Variants in WDR62 observed in about 807,000 individuals in gnomAD.
The protein encoded by WDR62 is WD repeat-containing protein 62.
A neutral mutation model predicts 160.6 loss-of-function variants in WDR62; 112 were observed. The observed-to-expected ratio is 0.70, with a 90% CI of 0.60 to 0.82. WDR62 has a LOEUF of 0.82. Among genes scored for constraint, WDR62 ranks in the 40% least tolerant of loss-of-function variants. WDR62 has a pLI of 0.00. For synonymous variants in WDR62, 792 were observed against 815.1 expected (o/e 0.97, Z 0.48); for missense variants, 1,819 against 1,983.8 (o/e 0.92, Z 1.58).
chr19:36,076,781 A>G (rs1452873637), intron 9 of WDR62, among the ~76,000 whole-genome samples: 2 of 152,142 alleles, frequency 1.3e-5, no homozygotes, highest in Admixed American at 1.3e-4. Context: ...AGAATGGACA[A>G]CTTTTCAATT....
chr19:36,058,721 G>A (rs1970489874), intron 1 of WDR62, 59 bp from the exon 2 acceptor site: 2 of 1,431,802 alleles, frequency 1.4e-6, no homozygotes, highest in Non-Finnish European at 2.0e-6. Context: ...GGCCAAGGCG[G>A]CTGCACCATG....
chr19:36,072,102 A>G (rs1971331920), intron 8 of WDR62, among the ~76,000 whole-genome samples: 2 of 152,252 alleles, frequency 1.3e-5, no homozygotes, highest in African/African-American at 4.8e-5. Context: ...TGAAGCAGCA[A>G]AATCTCTGCC....
chr19:36,058,725 C>T, intron 1 of WDR62, 55 bp from the exon 2 acceptor site: 1 of 1,481,184 alleles, frequency 6.8e-7, no homozygotes, highest in Admixed American at 1.7e-5. Context: ...AAGGCGGCTG[C>T]ACCATGTGGT....
Position 36,066,332 on chromosome 19 carries a change from T to C in WDR62, c.466T>C (p.Tyr156His). The change falls in exon 5 of 32, where the codon TAT becomes CAT. Residue 156 changes from tyrosine (Y) to histidine (H), a missense_variant. Tyr to His is a moderately conservative substitution (Grantham distance 83, BLOSUM62 2). Around this residue, in one of 3 missense-constraint regions of WDR62, gnomAD observed 934 missense variants for 1,157.2 expected, o/e 0.81. Transcript: ENST00000401500. ...GGTGGCGGAGATGCTAGGCCACAAGTATGGTGTGGCGTGTGTGGCCTTCTC... is the reference window on the plus strand; with the variant it reads ...GGTGGCGGAGATGCTAGGCCACAAGCATGGTGTGGCGTGTGTGGCCTTCTC... Reference protein sequence around the residue: ...NQVAEMLGHKYGVACVAFSPN... With the variant: ...NQVAEMLGHKHGVACVAFSPN... The C allele has an allele frequency of 6.2e-7, 1 of 1,614,124 alleles. No individual in the cohort carries two copies. The highest frequency in any genetic ancestry group is 1.1e-5 in the South Asian group (1 of 91,084).
At chr19:36,100,037 C>T (rs1285140040) in intron 22 of WDR62, among the ~76,000 whole-genome samples, 2 of 152,128 alleles carry the variant, frequency 1.3e-5, no homozygotes, top group African/African-American at 4.8e-5. Context: ...GATTACTTAA[C>T]GATCACTTGA....
intron 30 of WDR62, among the ~76,000 whole-genome samples, chr19:36,104,309 G>A (rs145526166): frequency 1.3e-5 from 2 of 151,788 alleles, no homozygotes; most frequent in Non-Finnish European, 2.9e-5. Flanking sequence ...GTGGGGACAG[G>A]GGTTGGGATT....
At position 36,102,983 on chromosome 19, in the gene WDR62, G is replaced by C. The variant is rs965986022; in HGVS notation, c.3371G>C (p.Cys1124Ser). Residue 1124 changes from cysteine (C) to serine (S), a missense_variant, in exon 28 of 32, where the codon TGC becomes TCC. By Grantham distance (112) the Cys-to-Ser change is moderately radical (BLOSUM62 -1). This residue lies in a region of WDR62 where 770 missense variants were observed against 734.2 expected (regional missense o/e 1.05). Coordinates refer to ENST00000401500, the MANE Select transcript of WDR62 (RefSeq NM_001083961.2). ...THTFPPRATQ[C>S]LVKSPEVKLM... Reference sequence around the variant, plus strand: ...ACCTTCCCTCCCCGGGCAACCCAGTGCCTTGTGAAGTCTCCAGAGGTCAAG... The same window carrying C: ...ACCTTCCCTCCCCGGGCAACCCAGTCCCTTGTGAAGTCTCCAGAGGTCAAG... The C allele has an allele frequency of 6.2e-7, 1 of 1,614,002 alleles. No homozygotes were observed. Among genetic ancestry groups the C allele is most frequent in the African/African-American group, 1.3e-5 (1 of 74,936 alleles).
At chr19:36,109,963 G>A (rs1257331522), downstream of WDR62, among the ~76,000 whole-genome samples, 2 of 151,510 alleles carry the variant, frequency 1.3e-5, no homozygotes, top group African/African-American at 4.9e-5. Flanking sequence ...GCTGAGGCAG[G>A]AGACTCACTT....
intron 9 of WDR62, chr19:36,075,827 T>A (rs1359721912): frequency 6.6e-6 from 1 of 152,178 alleles, no homozygotes; most frequent in Non-Finnish European, 1.5e-5. Context: ...AATCTATAAT[T>A]TATTTTTATT....
At position 36,102,099 on chromosome 19, in the gene WDR62, G is replaced by A. The variant is rs2145866074; in HGVS notation, c.3168G>A (p.Gln1056=). The A allele has an allele frequency of 1.2e-6, 2 of 1,614,118 alleles. No individual in the cohort carries two copies. Among genetic ancestry groups the A allele is most frequent in the Non-Finnish European group, 1.7e-6 (2 of 1,179,998 alleles). Residue 1056 remains glutamine (Q), a synonymous_variant, in exon 26 of 32, where the codon CAG becomes CAA. Transcript: ENST00000401500. ...GCTCCCTACCCCAGACTCCGGAGCA[G>A]GAGAAGTTCCTCCGCCACCACTTTG... ...PSSSLPQTPE[Q]EKFLRHHFET...
intron 6 of WDR62, 63 bp downstream of exon 6, chr19:36,067,506 G>T: frequency 6.2e-7 from 1 of 1,608,804 alleles, no homozygotes; most frequent in Non-Finnish European, 8.5e-7. Flanking sequence ...TGGCAGCATG[G>T]TCTCCTGTTT....
chr19:36,101,661 C>G lies in WDR62; in HGVS notation c.2972-3C>G, dbSNP rs1973345548. ...GGCTCCTGACCCCGACTCTGTCCTT[C>G]AGACTCGGGGGAGTCAGAGGCCGAC... is the stretch of plus-strand genomic sequence containing the variant. On this transcript the variant is annotated splice_polypyrimidine_tract_variant and splice_region_variant and intron_variant, in intron 24 of 31. Transcript: ENST00000401500. 1 of 1,550,030 alleles carries G rather than the reference C, an allele frequency of 6.5e-7. No homozygotes were observed. The highest frequency in any genetic ancestry group is 1.7e-4 in the Middle Eastern group (1 of 5,930).
At chr19:36,062,034 C>T (rs1488182656) in intron 3 of WDR62, 1 of 151,998 alleles carries the variant, frequency 6.6e-6, no homozygotes, top group African/African-American at 2.4e-5. Flanking sequence ...GCAACTTCCA[C>T]CTCCCGGGTT....
chr19:36,103,932 C>A lies in WDR62; in HGVS notation c.4104C>A (p.Ala1368=). ...CCAGTAACCCCCAGCTTCCAGAGGC[C>A]CGGCCTGGCATCCCTGGCGGCACTG... The part of the protein sequence containing the change: ...AHPSNPQLPE[A]RPGIPGGTAS... Residue 1368 remains alanine (A), a synonymous_variant, in exon 30 of 32, where the codon GCC becomes GCA. Coordinates refer to ENST00000401500, the MANE Select transcript of WDR62 (RefSeq NM_001083961.2). The A allele has an allele frequency of 6.3e-7, 1 of 1,599,128 alleles. No homozygotes were observed.
At chr19:36,093,849 A>G (rs538380593) in intron 19 of WDR62, among the ~76,000 whole-genome samples, 182 bp from the exon 20 acceptor site, 2 of 152,154 alleles carry the variant, frequency 1.3e-5, no homozygotes, top group South Asian at 2.1e-4. Flanking sequence ...AATCTCATCT[A>G]TTGTGGTGAT....
Position 36,103,059 on chromosome 19 carries a change from C to T in WDR62, c.3447C>T (p.Ser1149=). 1 of 1,614,092 alleles carries T rather than the reference C, an allele frequency of 6.2e-7. No individual in the cohort carries two copies. The highest frequency in any genetic ancestry group is 2.2e-5 in the East Asian group (1 of 44,882). Reference sequence around the variant, plus strand: ...CCAGAGCAGGTACTGGCTACGCCTCCCCAGACAGGACCCACGTGAGTATTG... The same window carrying T: ...CCAGAGCAGGTACTGGCTACGCCTCTCCAGACAGGACCCACGTGAGTATTG... ...SQPRAGTGYA[S]PDRTHVLAAG... is the part of the protein sequence containing the mutation. The change falls in exon 28 of 32, where the codon TCC becomes TCT. Residue 1149 remains serine (S), a synonymous_variant. Transcript: ENST00000401500.
In WDR62 at chr19:36,067,212, G is replaced by C. The variant is rs533262483; in HGVS notation, c.562-94G>C. 11 of 1,554,892 alleles carry C rather than the reference G, an allele frequency of 7.1e-6. No individual in the cohort carries two copies. The East Asian group carries it at 2.2e-4, about 32-fold the overall frequency. On this transcript the variant is annotated intron_variant, in intron 5 of 31. Transcript: ENST00000401500. ...GGTCCCAGGAAGACAGACTTGGAGT[G>C]GGGACGAGCAGGGAGTTCCAGCCTG...
chr19:36,091,478 C>T lies in WDR62; in HGVS notation c.2210+13C>T, dbSNP rs1599818773. On this transcript the variant is annotated intron_variant, in intron 18 of 31. Transcript: ENST00000401500. ...TATCTGGAGACAGGTGGGACATGGA[C>T]CTTTGGGAGAGTTGTGGCTCAGATA... 2 of 1,613,432 alleles carry T rather than the reference C, an allele frequency of 1.2e-6. No homozygotes were observed. Among genetic ancestry groups the T allele is most frequent in the Non-Finnish European group, 8.5e-7 (1 of 1,179,510 alleles).
chr19:36,105,353 G>C (rs1041468253), downstream of WDR62, among the ~76,000 whole-genome samples: 1 of 152,156 alleles, frequency 6.6e-6, no homozygotes, highest in South Asian at 2.1e-4. Flanking sequence ...CCAGGGAGGA[G>C]CCAGACCCTC....
Sources: gnomAD v4.1 joint callset for allele counts (sites outside exome capture counted in the v4.1 genomes callset) on GRCh38, gnomAD v4.1.1 for gene constraint, gnomAD v4.1.1 regional missense constraint, MANE v1.5 for transcripts, NCBI Gene and HGNC (gene_info 2026-07-23, HGNC 2026-07-21) for gene names.